KIF13A: variants seen among roughly 807,000 people sequenced by gnomAD.
KIF13A encodes kinesin-like protein KIF13A.
KIF13A carries 79 observed loss-of-function variants against 212.2 expected under a neutral mutation model. The observed-to-expected ratio is 0.37, with a 90% CI of 0.31 to 0.45. The LOEUF (loss-of-function observed/expected upper bound fraction) is 0.45. Among genes scored for constraint, KIF13A ranks in the 20% least tolerant of loss-of-function variants. KIF13A has a pLI of 1.00. For missense variants in KIF13A, 1,901 were observed against 2,209.0 expected (o/e 0.86, Z 2.79); for synonymous variants, 789 against 808.6 (o/e 0.98, Z 0.41).
At chr6:17,975,101 TGA>T (rs899645094) in intron 2 of KIF13A, among the ~76,000 whole-genome samples, 7 of 152,112 alleles carry the variant, frequency 4.6e-5, no homozygotes, top group Non-Finnish European at 8.8e-5. Flanking sequence ...CCCAGAACTT[TGA>T]GAGAAAGAGG....
At chr6:17,802,923 G>GT (rs57190220) in intron 20 of KIF13A, among the ~76,000 whole-genome samples, 55,740 of 135,398 alleles carry the variant, frequency 0.41, 11,476 homozygotes, top group East Asian at 0.62. Context: ...ATTTTTTTGT[G>GT]TTTTTTTTGT....
At chr6:17,882,730 T>A (rs1771190929) in intron 3 of KIF13A, among the ~76,000 whole-genome samples, 1 of 152,168 alleles carries the variant, frequency 6.6e-6, no homozygotes, top group African/African-American at 2.4e-5. Context: ...CCTGGCTAAT[T>A]TTTGTATTTT....
intron 23 of KIF13A, among the ~76,000 whole-genome samples, chr6:17,795,960 T>C (rs1195878962): frequency 1.3e-5 from 2 of 152,232 alleles, no homozygotes; most frequent in Non-Finnish European, 2.9e-5. Flanking sequence ...TTAATTTTTG[T>C]ATATGGTGTG....
intron 2 of KIF13A, among the ~76,000 whole-genome samples, chr6:17,901,559 C>G (rs940848064): frequency 3.9e-5 from 6 of 152,100 alleles, no homozygotes; most frequent in Non-Finnish European, 8.8e-5. Context: ...TGGGACAGTA[C>G]AAATAAAATA....
Position 17,794,113 on chromosome 6 carries a change from G to C in KIF13A, c.3222+136C>G, listed in dbSNP as rs1761834476. 1.6e-6 allele frequency: 1 copy of C among 606,578 alleles called. No homozygotes were observed. Among genetic ancestry groups the C allele is most frequent in the Non-Finnish European group, 2.8e-6 (1 of 353,802 alleles). 37.6% of individuals were successfully genotyped at this position (606,578 alleles called of 1,614,324 possible). ...AAACAGATTTTAAAGCTAGAAAAAA[G>C]GCAATGGATGGAAATGTGAACTGGG... On this transcript the variant is annotated intron_variant, in intron 25 of 38. Coordinates refer to ENST00000259711, the MANE Select transcript of KIF13A (RefSeq NM_022113.6). This position sits in a 1 kb window ranked among gnomAD's most constrained non-coding sequence, Gnocchi z 4.1.
intron 2 of KIF13A, chr6:17,936,378 T>C (rs752862522): frequency 1.4e-4 from 28 of 193,680 alleles, no homozygotes; most frequent in Non-Finnish European, 2.5e-4. Context: ...TCTGCCCACC[T>C]TGGCCTCCCA....
At chr6:17,880,519 T>C (rs1467148774) in intron 3 of KIF13A, among the ~76,000 whole-genome samples, 3 of 150,910 alleles carry the variant, frequency 2.0e-5, no homozygotes, top group African/African-American at 7.4e-5. Context: ...TCCCAGCTAC[T>C]TGGGAGGCTG....
At chr6:17,950,952 T>C (rs1251291592) in intron 2 of KIF13A, 13 of 972,628 alleles carry the variant, frequency 1.3e-5, no homozygotes, top group Non-Finnish European at 1.5e-5. Context: ...TTTAAAACTT[T>C]CTTAATTTTA....
rs1429706282 is a variant in KIF13A at position 17,829,865 on chromosome 6, T to C, written c.1401+1236A>G. ...GCTTCAATTTTGGCTTATTCTCCATTGCATTTTATGTATTTACTAGGCAGA... is the reference window on the plus strand; with the variant it reads ...GCTTCAATTTTGGCTTATTCTCCATCGCATTTTATGTATTTACTAGGCAGA... On this transcript the variant is annotated intron_variant, in intron 13 of 38. Coordinates refer to ENST00000259711, the MANE Select transcript of KIF13A (RefSeq NM_022113.6). The surrounding 1 kb of genome is among the most constrained non-coding windows in gnomAD (Gnocchi z 5.4). Among the ~76,000 whole-genome samples, 3 of 152,088 alleles carry C rather than the reference T, an allele frequency of 2.0e-5. No homozygotes were observed. The highest frequency in any genetic ancestry group is 4.4e-5 in the Non-Finnish European group (3 of 68,014).
intron 33 of KIF13A, among the ~76,000 whole-genome samples, chr6:17,778,402 T>C (rs1308807484): frequency 6.6e-6 from 1 of 152,178 alleles, no homozygotes; most frequent in East Asian, 1.9e-4. Context: ...CCCCCAATAA[T>C]GTCAACTATT....
Position 17,811,007 on chromosome 6 carries a change from C to T in KIF13A, c.2001-2077G>A, listed in dbSNP as rs1266923264. Among the ~76,000 whole-genome samples, 7 of 152,194 alleles carry T rather than the reference C, an allele frequency of 4.6e-5. No individual in the cohort carries two copies. Among genetic ancestry groups the T allele is most frequent in the Admixed American group, 2.0e-4 (3 of 15,278 alleles). ...TTGGGGACCCCTGTTCTAGACTACA[C>T]GAAACAGTTCTTTTGCAGTCTCCCA... is the stretch of plus-strand genomic sequence containing the variant. On this transcript the variant is annotated intron_variant, in intron 17 of 38. Transcript: ENST00000259711. This position sits in a 1 kb window ranked among gnomAD's most constrained non-coding sequence, Gnocchi z 6.0.
Position 17,872,575 on chromosome 6 carries a change from T to C in KIF13A, c.220+802A>G, listed in dbSNP as rs1770116979. Among the ~76,000 whole-genome samples the C allele has an allele frequency of 6.6e-6, 1 of 152,248 alleles. No homozygotes were observed. The highest frequency in any genetic ancestry group is 1.5e-5 in the Non-Finnish European group (1 of 68,042). ...CTCAATTTAGCCATTCCATAATATATACATATTTCAAAACATCACACTGTA... is the reference window on the plus strand; with the variant it reads ...CTCAATTTAGCCATTCCATAATATACACATATTTCAAAACATCACACTGTA... On this transcript the variant is annotated intron_variant, in intron 4 of 38. Coordinates refer to ENST00000259711, the MANE Select transcript of KIF13A (RefSeq NM_022113.6). This position sits in a 1 kb window ranked among gnomAD's most constrained non-coding sequence, Gnocchi z 4.7.
At chr6:17,779,802 C>T (rs528791867) in intron 31 of KIF13A, 118 bp from the exon 32 acceptor site, 60 of 461,890 alleles carry the variant, frequency 1.3e-4, no homozygotes, top group South Asian at 3.3e-4. Flanking sequence ...GGCAGTGGCG[C>T]GATCTCGGCT....
downstream of KIF13A, among the ~76,000 whole-genome samples, chr6:17,763,051 G>A (rs1758657687): frequency 6.6e-6 from 1 of 152,172 alleles, no homozygotes; most frequent in African/African-American, 2.4e-5. Flanking sequence ...CAAGTTGGGG[G>A]ACCAAACAAA....
At chr6:17,889,150 C>A (rs769444963) in intron 3 of KIF13A, among the ~76,000 whole-genome samples, 23 of 152,196 alleles carry the variant, frequency 1.5e-4, no homozygotes, top group Non-Finnish European at 3.1e-4. Flanking sequence ...AGTTGCATTT[C>A]AGATGGCATA....
chr6:17,860,949 T>C (rs1483712541), intron 4 of KIF13A, among the ~76,000 whole-genome samples: 1 of 152,092 alleles, frequency 6.6e-6, no homozygotes, highest in Admixed American at 6.6e-5. Context: ...TTTTTACTAA[T>C]ACCCACCGTA....
chr6:17,775,157 G>T, intron 34 of KIF13A, 95 bp from the exon 35 acceptor site: 1 of 962,240 alleles, frequency 1.0e-6, no homozygotes, highest in Non-Finnish European at 1.6e-6. Flanking sequence ...GTTGAAGCCT[G>T]CAGTCTTCAT....
rs373867386 is a variant in KIF13A, at chr6:17,982,382, G to A, written c.146+4672C>T. On this transcript the variant is annotated intron_variant, in intron 2 of 38. Coordinates refer to ENST00000259711, the MANE Select transcript of KIF13A (RefSeq NM_022113.6). This position sits in a 1 kb window ranked among gnomAD's most constrained non-coding sequence, Gnocchi z 5.1. Reference sequence around the variant, plus strand: ...CAAAGTGCTGGGATTACAGATGTGAGCCACTGTGTCTGGCCCCCAGGATTT... The same window carrying A: ...CAAAGTGCTGGGATTACAGATGTGAACCACTGTGTCTGGCCCCCAGGATTT... 11 of 966,162 alleles carry A rather than the reference G, an allele frequency of 1.1e-5. No homozygotes were observed. The highest frequency in any genetic ancestry group is 1.4e-5 in the Non-Finnish European group (11 of 812,778). The allele number at this position is 966,162 out of a possible 1,614,324, so 59.8% of individuals were successfully genotyped here. A position where few individuals can be genotyped will look rare whatever the true frequency, so the allele number is the denominator to read the frequency against.
At chr6:17,800,881 A>C (rs573136584) in intron 20 of KIF13A, among the ~76,000 whole-genome samples, 1 of 149,044 alleles carries the variant, frequency 6.7e-6, no homozygotes, top group South Asian at 2.2e-4. Flanking sequence ...TTACAATCAT[A>C]AGCCACCGTG....
Sources: allele counts gnomAD v4.1 joint callset (sites outside exome capture counted in the v4.1 genomes callset), GRCh38; gene constraint gnomAD v4.1.1; non-coding constraint Gnocchi (gnomAD v3.1); transcripts MANE v1.5; gene names NCBI Gene and HGNC (gene_info 2026-07-23, HGNC 2026-07-21).